Variants in KLRC3 observed in about 807,000 individuals in gnomAD.
KLRC3 encodes the protein killer cell lectin like receptor C3, also known as NKG2-E type II integral membrane protein.
In KLRC3, 16 loss-of-function variants were observed where a neutral mutation model predicts 23.6. The ratio of observed to expected loss-of-function variants is 0.68; its 90% CI spans 0.46 to 1.03. KLRC3 has a LOEUF of 1.03. KLRC3 is among the 50% of genes least tolerant of loss of function. The pLI, the probability that KLRC3 is intolerant of heterozygous loss-of-function variation, is 0.00. For missense variants in KLRC3, 209 were observed against 232.2 expected, an observed-to-expected ratio of 0.90 and a Z score of 0.65; for synonymous variants, 70 against 71.8, an observed-to-expected ratio of 0.98 and a Z score of 0.13.
At chr12:10,414,785 AAAAAG>A (rs1020912318) in intron 6 of KLRC3, among the ~76,000 whole-genome samples, 5 of 152,114 alleles carry the variant, frequency 3.3e-5, no homozygotes, top group Admixed American at 6.5e-5. Flanking sequence ...AAAAAAAAAG[AAAAAG>A]AAAAGAAAAT....
At chr12:10,418,772 C>T (rs557222352) in intron 3 of KLRC3, among the ~76,000 whole-genome samples, 2 of 152,138 alleles carry the variant, frequency 1.3e-5, no homozygotes, top group East Asian at 3.9e-4. Flanking sequence ...TACACAACTG[C>T]TTTTTTAGAA....
At chr12:10,417,221 C>T (rs529974830) in intron 4 of KLRC3, among the ~76,000 whole-genome samples, 79 of 151,894 alleles carry the variant, frequency 5.2e-4, no homozygotes, top group African/African-American at 1.7e-3. Context: ...TTATCCGATT[C>T]GGTTTTTGTG....
chr12:10,415,459 GC>G (rs1473364654), intron 6 of KLRC3: 12 of 586,376 alleles, frequency 2.0e-5, no homozygotes, highest in Non-Finnish European at 3.2e-5. Flanking sequence ...CTTTTAGGAA[GC>G]CTGAATGCCA....
chr12:10,414,436 A>G lies in KLRC3; in HGVS notation c.678+1268T>C, dbSNP rs183662640. Among the ~76,000 whole-genome samples, 25 of 152,224 alleles carry G rather than the reference A, an allele frequency of 1.6e-4. No homozygotes were observed. In the East Asian group the frequency reaches 3.7e-3, roughly 22 times the overall value. On this transcript the variant is annotated intron_variant, in intron 6 of 6. Coordinates refer to ENST00000396439, the MANE Select transcript of KLRC3 (RefSeq NM_002261.3). ...TATTTTTTGCCAAAACCAGAAAATG[A>G]TACATATGATACATGTAAAATTTGA...
intron 5 of KLRC3, 132 bp from the exon 6 acceptor site, chr12:10,415,926 A>G (rs77926410): frequency 0.11 from 72,406 of 661,260 alleles, 4,563 homozygotes; most frequent in Middle Eastern, 0.15. Context: ...TGCTATTACT[A>G]AAAGTCATTA....
chr12:10,415,437 C>T (rs1863626687), intron 6 of KLRC3: 1 of 532,212 alleles, frequency 1.9e-6, no homozygotes, highest in South Asian at 2.6e-5. Context: ...AACTGACCAA[C>T]ATAACATGCA....
intron 4 of KLRC3, among the ~76,000 whole-genome samples, chr12:10,417,495 G>T (rs1407381878): frequency 2.6e-5 from 4 of 152,250 alleles, no homozygotes; most frequent in Non-Finnish European, 1.5e-5. Flanking sequence ...TAGGAGGAGG[G>T]TATCGAAGGA....
chr12:10,416,986 A>C (rs572158746), intron 4 of KLRC3, among the ~76,000 whole-genome samples: 38 of 152,084 alleles, frequency 2.5e-4, no homozygotes, highest in Non-Finnish European at 4.4e-5. Context: ...TAGTTACTCC[A>C]ATTAACAGAA....
At chr12:10,413,253 A>T (rs1440197755) in intron 6 of KLRC3, among the ~76,000 whole-genome samples, 1 of 152,198 alleles carries the variant, frequency 6.6e-6, no homozygotes, top group African/African-American at 2.4e-5. Context: ...ATGGTTTTTA[A>T]TTCAGTAATA....
At position 10,415,772 on chromosome 12, in the gene KLRC3, C is replaced by G; in HGVS notation, c.610G>C (p.Glu204Gln). The G allele has an allele frequency of 6.2e-7, 1 of 1,611,110 alleles. No individual in the cohort carries two copies. Among genetic ancestry groups the G allele is most frequent in the East Asian group, 2.2e-5 (1 of 44,806 alleles). ...KHEIKDSDHA[E>Q]RNCAMLHVRG... ...ACATGTAGCATTGCACAGTTACGTT[C>G]AGCATGATCTGAGTCTTTTATCCTG... Residue 204 changes from glutamate (E) to glutamine (Q), a missense_variant, in exon 6 of 7, where the codon GAA becomes CAA. Physicochemically the swap from Glu to Gln is conservative, Grantham distance 29. Around this residue, in one of 4 missense-constraint regions of KLRC3, gnomAD observed 74 missense variants for 51.0 expected, o/e 1.45. Transcript: ENST00000396439.
rs1048118665 is a variant in KLRC3 at position 10,415,116 on chromosome 12, T to C, written c.678+588A>G. 2.6e-5 allele frequency among the ~76,000 whole-genome samples: 4 copies of C among 152,316 alleles called. No homozygotes were observed. The East Asian group carries it at 7.7e-4, about 29-fold the overall frequency. ...TGTCAAGAAGCTAATCTTTAAAAAT[T>C]ACTTTAGAGATTAAATGCAGACTCA... On this transcript the variant is annotated intron_variant, in intron 6 of 6. Transcript: ENST00000396439.
chr12:10,420,202 G>A (rs1367158109), intron 1 of KLRC3, among the ~76,000 whole-genome samples, 162 bp downstream of exon 1: 9 of 152,108 alleles, frequency 5.9e-5, no homozygotes. Flanking sequence ...GTTGAACAAT[G>A]CCTGAATAAA....
chr12:10,418,270 A>G (rs1863672648), intron 4 of KLRC3, 74 bp downstream of exon 4: 1 of 1,359,188 alleles, frequency 7.4e-7, no homozygotes, highest in Non-Finnish European at 1.0e-6. Flanking sequence ...GTACACACAT[A>G]TGGATGTTTT....
At chr12:10,416,164 G>A (rs988262695) in intron 5 of KLRC3, among the ~76,000 whole-genome samples, 1 of 152,194 alleles carries the variant, frequency 6.6e-6, no homozygotes, top group Non-Finnish European at 1.5e-5. Flanking sequence ...ATTGTGCTTT[G>A]AGGATATTCT....
chr12:10,416,464 T>G (rs1863645071), intron 5 of KLRC3, among the ~76,000 whole-genome samples: 1 of 152,224 alleles, frequency 6.6e-6, no homozygotes, highest in Non-Finnish European at 1.5e-5. Flanking sequence ...CTGGTCCATC[T>G]CATAACCAAG....
At chr12:10,415,555 T>C (rs962160287) in intron 6 of KLRC3, 149 bp downstream of exon 6, 11 of 1,262,356 alleles carry the variant, frequency 8.7e-6, no homozygotes, top group South Asian at 4.7e-5. Flanking sequence ...ATTTCAATAA[T>C]TGATTTGGAA....
Position 10,416,579 on chromosome 12 carries a change from A to G in KLRC3, c.587+88T>C, listed in dbSNP as rs2682496. ...ACTAACTTTCCACATCTTTCTTCAT[A>G]TCAATGATTCCACATAGATTTATTC... On this transcript the variant is annotated intron_variant, in intron 5 of 6. Coordinates refer to ENST00000396439, the MANE Select transcript of KLRC3 (RefSeq NM_002261.3). The G allele has an allele frequency of 2.5e-3, 3,578 of 1,433,168 alleles. 69 individuals are homozygous for G. In the African/African-American group the frequency reaches 0.046, roughly 19 times the overall value. The allele number at this position is 1,433,168 out of a possible 1,614,324, so 88.8% of individuals were successfully genotyped here. A position where few individuals can be genotyped will look rare whatever the true frequency, so the allele number is the denominator to read the frequency against.
Position 10,417,027 on chromosome 12 carries a change from T to C in KLRC3, c.487-260A>G, listed in dbSNP as rs914381883. The stretch of plus-strand genomic sequence containing the variant: ...ACAGGAAGGGTTTTAATAAGTTTCC[T>C]GATACTGTGCATTCATTTCTCCAGA... On this transcript the variant is annotated intron_variant, in intron 4 of 6. Transcript: ENST00000396439. Among the ~76,000 whole-genome samples the C allele has an allele frequency of 2.6e-4, 40 of 152,116 alleles. 1 individual carries two copies. Among genetic ancestry groups the C allele is most frequent in the African/African-American group, 9.4e-4 (39 of 41,318 alleles).
chr12:10,415,668 A>C, intron 6 of KLRC3, 36 bp downstream of exon 6: 1 of 1,613,092 alleles, frequency 6.2e-7, no homozygotes, highest in Non-Finnish European at 8.5e-7. Context: ...GATGCACTGC[A>C]AGCTCAAGCG....
Sources: allele counts gnomAD v4.1 joint callset (sites outside exome capture counted in the v4.1 genomes callset), GRCh38; gene constraint gnomAD v4.1.1; regional missense constraint gnomAD v4.1.1; transcripts MANE v1.5; gene names NCBI Gene and HGNC (gene_info 2026-07-23, HGNC 2026-07-21).